The following PAIP2B variants were observed in gnomAD, a reference collection of about 807,000 sequenced individuals.
PAIP2B encodes the protein poly(A) binding protein interacting protein 2B, also known as polyadenylate-binding protein-interacting protein 2B.
Under a neutral mutation model 17.0 loss-of-function variants are expected in PAIP2B, and 13 were observed. That is an observed-to-expected ratio of 0.76 (90% CI 0.50 to 1.22). The LOEUF (loss-of-function observed/expected upper bound fraction) is 1.22, where lower values mean the gene tolerates loss of function less well. Ranked by LOEUF, PAIP2B falls within the 50% of genes most tolerant of loss-of-function variation. The probability of loss-of-function intolerance (pLI) is 0.00; values close to 1 mark genes in which losing one functional copy is unlikely to be tolerated. For missense variants in PAIP2B, 117 were observed against 144.5 expected (o/e 0.81, Z 0.98); for synonymous variants, 43 against 48.7 (o/e 0.88, Z 0.48).
intron 1 of PAIP2B, among the ~76,000 whole-genome samples, chr2:71,226,707 C>T (rs1006055764): frequency 1.3e-5 from 2 of 152,186 alleles, no homozygotes; most frequent in African/African-American, 4.8e-5. Context: ...CCCCCTATTG[C>T]TCCCGAGGGG....
intron 2 of PAIP2B, among the ~76,000 whole-genome samples, chr2:71,197,631 T>C (rs1674854669): frequency 6.6e-6 from 1 of 152,188 alleles, no homozygotes; most frequent in Non-Finnish European, 1.5e-5. Context: ...GATAAAGACA[T>C]ATCCAAGACT....
At chr2:71,195,176 A>C (rs1367578157) in intron 2 of PAIP2B, among the ~76,000 whole-genome samples, 1 of 152,156 alleles carries the variant, frequency 6.6e-6, no homozygotes, top group East Asian at 1.9e-4. Flanking sequence ...ATTTCCCTGA[A>C]GTTTTCTTGT....
chr2:71,214,149 T>C (rs960041172), intron 1 of PAIP2B, among the ~76,000 whole-genome samples: 1 of 152,178 alleles, frequency 6.6e-6, no homozygotes, highest in African/African-American at 2.4e-5. Context: ...ATTCAACACC[T>C]TGCCTAAAGT....
chr2:71,202,058 T>C (rs1674998024), intron 2 of PAIP2B, among the ~76,000 whole-genome samples: 1 of 152,244 alleles, frequency 6.6e-6, no homozygotes. Context: ...AGAACAAGGC[T>C]GAGGGCAGGG....
Position 71,188,418 on chromosome 2 carries a change from T to C in PAIP2B, c.*61A>G. The C allele has an allele frequency of 1.0e-6, 1 of 959,854 alleles. No individual in the cohort carries two copies. Among genetic ancestry groups the C allele is most frequent in the Non-Finnish European group, 1.5e-6 (1 of 648,718 alleles). 59.5% of individuals were successfully genotyped at this position (959,854 alleles called of 1,614,324 possible). ...CCCATCCCCCTCTTCAGCTCCACCA[T>C]TTTGTGCATTACTATCCCCAGATGT... On this transcript the variant is annotated 3_prime_UTR_variant, in exon 4 of 4. Transcript: ENST00000244221.
rs139317770 is a variant in PAIP2B at position 71,184,239 on chromosome 2, T to G, written c.*4240A>C. 62 of 152,340 alleles carry G rather than the reference T, an allele frequency of 4.1e-4. 1 individual carries two copies. The highest frequency in any genetic ancestry group is 1.2e-3 in the African/African-American group (51 of 41,588). 9.4% of individuals were successfully genotyped at this position (152,340 alleles called of 1,614,324 possible). A position where few individuals can be genotyped will look rare whatever the true frequency, so the allele number is the denominator to read the frequency against. On this transcript the variant is annotated 3_prime_UTR_variant, in exon 4 of 4. Coordinates refer to ENST00000244221, the MANE Select transcript of PAIP2B (RefSeq NM_020459.1). The stretch of plus-strand genomic sequence containing the variant: ...AAAAGAGACTCCTAGTAACACAATC[T>G]GAGGGAGCTTTTTCTTTTGAAATAA...
chr2:71,193,392 TTACTC>T, intron 2 of PAIP2B, among the ~76,000 whole-genome samples: 1 of 152,374 alleles, frequency 6.6e-6, no homozygotes, highest in Admixed American at 6.5e-5. Flanking sequence ...GGTTGTCTGT[TTACTC>T]TGTTGATAGT....
chr2:71,201,015 GTGTGTGT>G lies in PAIP2B; in HGVS notation c.138+1430_138+1436del, dbSNP rs1558776160. Reference sequence around the variant, plus strand: ...AATCTCTTTGTGTGTGTGGGTGTGTGTGTGTGTGTGTGTGTGTGTGTGTGTGTGTGAA... The same window carrying G: ...AATCTCTTTGTGTGTGTGGGTGTGTGGTGTGTGTGTGTGTGTGTGTGTGAA... On this transcript the variant is annotated intron_variant, in intron 2 of 3. Coordinates refer to ENST00000244221, the MANE Select transcript of PAIP2B (RefSeq NM_020459.1). Among the ~76,000 whole-genome samples the G allele has an allele frequency of 4.9e-3, 721 of 146,638 alleles. 4 individuals are homozygous for G. The highest frequency in any genetic ancestry group is 0.016 in the African/African-American group (590 of 37,984).
At chr2:71,199,657 C>T (rs898260525) in intron 2 of PAIP2B, among the ~76,000 whole-genome samples, 2 of 151,992 alleles carry the variant, frequency 1.3e-5, no homozygotes, top group African/African-American at 4.8e-5. Context: ...AGCTCCGCCT[C>T]CTGGGTTCAC....
chr2:71,199,281 T>G (rs976904993), intron 2 of PAIP2B, among the ~76,000 whole-genome samples: 2 of 152,092 alleles, frequency 1.3e-5, no homozygotes, highest in African/African-American at 4.8e-5. Flanking sequence ...AAAACCAAAT[T>G]GGAAGGGAAA....
intron 2 of PAIP2B, among the ~76,000 whole-genome samples, chr2:71,202,160 G>A (rs943360247): frequency 6.6e-6 from 1 of 152,130 alleles, no homozygotes; most frequent in African/African-American, 2.4e-5. Flanking sequence ...TTAAACATGG[G>A]CTCTCACGTG....
intron 1 of PAIP2B, among the ~76,000 whole-genome samples, chr2:71,221,041 A>G (rs1356975339): frequency 6.6e-6 from 1 of 152,236 alleles, no homozygotes; most frequent in East Asian, 1.9e-4. Context: ...CTACAGTGTA[A>G]TCATTCCCAG....
intron 1 of PAIP2B, among the ~76,000 whole-genome samples, chr2:71,207,966 A>C (rs946018058): frequency 1.3e-5 from 2 of 152,222 alleles, no homozygotes; most frequent in African/African-American, 4.8e-5. Context: ...GGCTGTATGC[A>C]CCAAGAATAG....
Position 71,202,576 on chromosome 2 carries a change from T to C in PAIP2B, c.14A>G (p.Asn5Ser), listed in dbSNP as rs1558776876. 1.2e-6 allele frequency: 2 copies of C among 1,613,070 alleles called. No individual in the cohort carries two copies. The highest frequency in any genetic ancestry group is 2.2e-5 in the East Asian group (1 of 44,868). The change falls in exon 2 of 4, where the codon AAT (asparagine) becomes AGT (serine). Residue 5 changes from asparagine (N) to serine (S), a missense_variant. Asn to Ser is a conservative substitution (Grantham distance 46). Coordinates refer to ENST00000244221, the MANE Select transcript of PAIP2B (RefSeq NM_020459.1). The stretch of plus-strand genomic sequence containing the variant: ...TACACTCGGTGATGTATTTGCCATA[T>C]TGGATCCATTCATTATGATGGAACC... MNGS[N>S]MANTSPSVKS...
chr2:71,212,430 T>G (rs960724347), intron 1 of PAIP2B, among the ~76,000 whole-genome samples: 1 of 152,188 alleles, frequency 6.6e-6, no homozygotes, highest in Non-Finnish European at 1.5e-5. Flanking sequence ...ATAAATAATC[T>G]GTTAACTGCC....
intron 2 of PAIP2B, 109 bp downstream of exon 2, chr2:71,202,343 T>C: frequency 7.1e-7 from 1 of 1,403,556 alleles, no homozygotes; most frequent in Non-Finnish European, 9.6e-7. Context: ...TTTTAAGTTA[T>C]TCTAAAGCTA....
At chr2:71,210,400 C>G (rs188576256) in intron 1 of PAIP2B, among the ~76,000 whole-genome samples, 42 of 152,272 alleles carry the variant, frequency 2.8e-4, no homozygotes, top group Admixed American at 1.2e-3. Context: ...ATTTCCAGAG[C>G]AGCTGCATGG....
chr2:71,189,831 C>T lies in PAIP2B; in HGVS notation c.315+14G>A, dbSNP rs373162054. 1.6e-5 allele frequency: 24 copies of T among 1,545,738 alleles called. No homozygotes were observed. Among genetic ancestry groups the T allele is most frequent in the Non-Finnish European group, 1.9e-5 (22 of 1,143,602 alleles). ...TTTCACTACATAACCTGGGGAACTA[C>T]ATATGGCTCTTACCAAAATATCTTC... is the stretch of plus-strand genomic sequence containing the variant. On this transcript the variant is annotated intron_variant, in intron 3 of 3. Transcript: ENST00000244221.
chr2:71,188,793 C>T (rs535876103), intron 3 of PAIP2B, among the ~76,000 whole-genome samples: 1 of 152,218 alleles, frequency 6.6e-6, no homozygotes, highest in Admixed American at 6.5e-5. Flanking sequence ...AGTTCAACTC[C>T]AAGAATAATT....
Sources: allele counts gnomAD v4.1 joint callset (sites outside exome capture counted in the v4.1 genomes callset), GRCh38; gene constraint gnomAD v4.1.1; transcripts MANE v1.5; gene names NCBI Gene and HGNC (gene_info 2026-07-23, HGNC 2026-07-21).